The following TPX2 variants were observed in gnomAD, a reference collection of about 807,000 sequenced individuals.
The protein encoded by TPX2 is targeting protein for Xklp2.
TPX2 carries 21 observed loss-of-function variants against 93.6 expected under a neutral mutation model. The observed-to-expected ratio is 0.22, with a 90% CI of 0.16 to 0.32. The LOEUF (loss-of-function observed/expected upper bound fraction) is 0.32, where lower values mean the gene tolerates loss of function less well. TPX2 is among the 10% of genes least tolerant of loss of function. The probability of loss-of-function intolerance (pLI) is 1.00; values close to 1 mark genes in which losing one functional copy is unlikely to be tolerated. For synonymous variants in TPX2, 281 were observed against 298.3 expected, an observed-to-expected ratio of 0.94 and a Z score of 0.60; for missense variants, 776 against 871.1, an observed-to-expected ratio of 0.89 and a Z score of 1.37.
intron 12 of TPX2, among the ~76,000 whole-genome samples, chr20:31,790,790 AAT>A (rs1379545244): frequency 2.6e-5 from 4 of 152,168 alleles, no homozygotes; most frequent in Non-Finnish European, 5.9e-5. Flanking sequence ...GATGGAGTAA[AAT>A]AGTCTCCATC....
rs2062008535 is a variant in TPX2, at chr20:31,777,555, C to G, written c.799C>G (p.Arg267Gly). ...SVDFHFRTDE[R>G]IKQHPKNQEE... ...TGACTTCCACTTCCGCACAGATGAG[C>G]GAATCAAACAACATCCTAAGAACCA... The change falls in exon 9 of 18, where the codon CGA becomes GGA. Residue 267 changes from arginine to glycine, a missense_variant. Physicochemically the swap from Arg to Gly is moderately radical, Grantham distance 125. Around this residue, in one of 3 missense-constraint regions of TPX2, gnomAD observed 279 missense variants for 261.6 expected, o/e 1.07. Coordinates refer to ENST00000300403, the MANE Select transcript of TPX2 (RefSeq NM_012112.5). 6.2e-7 allele frequency: 1 copy of G among 1,614,076 alleles called. No homozygotes were observed. Among genetic ancestry groups the G allele is most frequent in the Non-Finnish European group, 8.5e-7 (1 of 1,179,982 alleles).
intron 4 of TPX2, among the ~76,000 whole-genome samples, chr20:31,764,151 C>CAT (rs2061909946): frequency 1.3e-5 from 2 of 148,174 alleles, no homozygotes; most frequent in African/African-American, 2.5e-5. Flanking sequence ...TGTATGTGTA[C>CAT]ATACATGTAC....
chr20:31,783,615 T>C (rs1249672242), intron 11 of TPX2, 90 bp from the exon 12 acceptor site: 6 of 1,225,156 alleles, frequency 4.9e-6, no homozygotes, highest in Non-Finnish European at 7.0e-6. Context: ...ATCTTAATGA[T>C]TACTATTCTT....
intron 4 of TPX2, among the ~76,000 whole-genome samples, chr20:31,762,016 G>A (rs1039018499): frequency 3.3e-5 from 5 of 152,098 alleles, no homozygotes; most frequent in African/African-American, 9.7e-5. Context: ...TAGTGATGTT[G>A]AGCATTTTTT....
intron 12 of TPX2, 39 bp from the exon 13 acceptor site, chr20:31,792,696 C>A (rs777491713): frequency 2.3e-5 from 35 of 1,547,708 alleles, no homozygotes; most frequent in Non-Finnish European, 2.3e-5. Flanking sequence ...TAGTGGAGAT[C>A]ATTTTGTGAT....
rs1341221053 is a variant in TPX2, at chr20:31,771,415, AC to A, written c.486-144del. ...CCATTAATATATATGATCTAATGAT[AC>A]TGTTGGAAGAATCATGTGGTCGAAG... On this transcript the variant is annotated intron_variant, in intron 6 of 17. Transcript: ENST00000300403. The A allele has an allele frequency of 1.6e-5, 16 of 1,016,876 alleles. No homozygotes were observed. The East Asian group carries it at 2.6e-4, about 16-fold the overall frequency. The allele number at this position is 1,016,876 out of a possible 1,614,324, so 63.0% of individuals were successfully genotyped here. A position where few individuals can be genotyped will look rare whatever the true frequency, so the allele number is the denominator to read the frequency against.
intron 5 of TPX2, among the ~76,000 whole-genome samples, chr20:31,770,050 G>A (rs920229553): frequency 2.0e-5 from 3 of 152,034 alleles, no homozygotes; most frequent in East Asian, 1.9e-4. Flanking sequence ...TCCTCCTGCC[G>A]CAGCTTTCCA....
chr20:31,762,097 A>C (rs2061894144), intron 4 of TPX2, among the ~76,000 whole-genome samples: 1 of 151,986 alleles, frequency 6.6e-6, no homozygotes, highest in African/African-American at 2.4e-5. Flanking sequence ...CCGGCTGTTG[A>C]GTTATTTGAG....
intron 7 of TPX2, among the ~76,000 whole-genome samples, chr20:31,772,512 A>T (rs2061970570): frequency 1.3e-5 from 2 of 152,198 alleles, no homozygotes; most frequent in South Asian, 4.1e-4. Context: ...AGCAAATTTA[A>T]AAGAAATATA....
At chr20:31,783,669 A>AT (rs757457891) in intron 11 of TPX2, 36 bp from the exon 12 acceptor site, 5 of 1,567,318 alleles carry the variant, frequency 3.2e-6, no homozygotes, top group Non-Finnish European at 4.3e-6. Context: ...TTTTATTAAA[A>AT]TTTTTTTTGT....
At chr20:31,763,107 G>T (rs943118421) in intron 4 of TPX2, among the ~76,000 whole-genome samples, 1 of 152,144 alleles carries the variant, frequency 6.6e-6, no homozygotes, top group African/African-American at 2.4e-5. Context: ...CTGGTAATTT[G>T]ATGCCTTCAG....
intron 13 of TPX2, 150 bp from the exon 14 acceptor site, chr20:31,793,698 C>A: frequency 1.4e-6 from 1 of 709,706 alleles, no homozygotes; most frequent in Non-Finnish European, 2.2e-6. Context: ...CCTAAGTCAT[C>A]ATCCTTCTTG....
At chr20:31,743,666 C>T (rs1600348321) in intron 2 of TPX2, among the ~76,000 whole-genome samples, 1 of 151,354 alleles carries the variant, frequency 6.6e-6, no homozygotes, top group African/African-American at 2.4e-5. Flanking sequence ...GCACTCCAAC[C>T]TGGGTGGCAG....
chr20:31,757,694 C>G (rs1214908596), intron 3 of TPX2, 112 bp downstream of exon 3: 10 of 743,322 alleles, frequency 1.3e-5, no homozygotes, highest in Non-Finnish European at 2.0e-5. Context: ...CAACTTCTTT[C>G]TGCACCAAGA....
chr20:31,782,778 A>G (rs2062040927), intron 11 of TPX2, among the ~76,000 whole-genome samples: 1 of 151,992 alleles, frequency 6.6e-6, no homozygotes, highest in Admixed American at 6.6e-5. Flanking sequence ...CTGTAGTCCC[A>G]CCTACTAGGG....
chr20:31,765,370 T>C (rs2061918773), intron 4 of TPX2, among the ~76,000 whole-genome samples: 1 of 151,008 alleles, frequency 6.6e-6, no homozygotes, highest in South Asian at 2.1e-4. Context: ...GTAACATGGC[T>C]AACAATACTT....
intron 12 of TPX2, among the ~76,000 whole-genome samples, chr20:31,789,272 AT>A (rs1286291766): frequency 2.6e-5 from 4 of 152,186 alleles, no homozygotes; most frequent in Non-Finnish European, 4.4e-5. Context: ...GTGTATCTAT[AT>A]TATTCACTCT....
chr20:31,766,454 GGTGTGTGTGTGTGTGTGT>G (rs35700111), intron 4 of TPX2, 84 bp from the exon 5 acceptor site: 53 of 720,558 alleles, frequency 7.4e-5, no homozygotes, highest in South Asian at 2.0e-4. Context: ...GCTTAGACAG[GGTGTGTGTGTGTGTGTGT>G]GTGTGTGTGT....
At chr20:31,790,254 CAT>C (rs1312551098) in intron 12 of TPX2, among the ~76,000 whole-genome samples, 2 of 152,160 alleles carry the variant, frequency 1.3e-5, no homozygotes, top group Non-Finnish European at 2.9e-5. Flanking sequence ...CTTTAGAAAA[CAT>C]ATAAGAAATT....
Sources: allele counts gnomAD v4.1 joint callset (sites outside exome capture counted in the v4.1 genomes callset), GRCh38; gene constraint gnomAD v4.1.1; regional missense constraint gnomAD v4.1.1; transcripts MANE v1.5; gene names NCBI Gene and HGNC (gene_info 2026-07-23, HGNC 2026-07-21).